The following PALM2AKAP2 variants were observed in gnomAD, a reference collection of about 807,000 sequenced individuals.
PALM2AKAP2 encodes PALM2 and AKAP2 fusion.
In PALM2AKAP2, 37 loss-of-function variants were observed where a neutral mutation model predicts 71.5. That is an observed-to-expected ratio of 0.52 (90% confidence interval 0.40 to 0.68). The LOEUF (loss-of-function observed/expected upper bound fraction) is 0.68. Among genes scored for constraint, PALM2AKAP2 ranks in the 30% least tolerant of loss-of-function variants. The probability of loss-of-function intolerance (pLI) is 0.00; values close to 1 mark genes in which losing one functional copy is unlikely to be tolerated. For missense variants in PALM2AKAP2, 1,224 were observed against 1,191.8 expected, an observed-to-expected ratio of 1.03 and a Z score of -0.40; for synonymous variants, 468 against 478.8, an observed-to-expected ratio of 0.98 and a Z score of 0.29.
At chr9:109,975,431 C>A (rs1405614856) in intron 6 of PALM2AKAP2, among the ~76,000 whole-genome samples, 1 of 152,226 alleles carries the variant, frequency 6.6e-6, no homozygotes, top group African/African-American at 2.4e-5. Context: ...ATTGCCCACC[C>A]ACACTGGTGA....
intron 1 of PALM2AKAP2, among the ~76,000 whole-genome samples, chr9:109,683,864 G>A (rs975055188): frequency 6.6e-6 from 1 of 151,726 alleles, no homozygotes; most frequent in Admixed American, 6.6e-5. Context: ...ACATGATAAT[G>A]TATAATATAC....
rs763979984 is a variant in PALM2AKAP2, at chr9:109,931,959, G to A, written c.427G>A (p.Asp143Asn). The A allele has an allele frequency of 7.4e-6, 12 of 1,613,982 alleles. No individual in the cohort carries two copies. The highest frequency in any genetic ancestry group is 1.7e-4 in the Middle Eastern group (1 of 6,060). The change falls in exon 6 of 10, where the codon GAC becomes AAC. Residue 143 changes from aspartate to asparagine, a missense_variant. Transcript: ENST00000302798. ...AAATTACATTTCCTCCCAGCTTCCC[G>A]ACCTGCCAATCCTCTGTTCACGAAC... is the stretch of plus-strand genomic sequence containing the variant.
At chr9:109,819,939 A>G (rs185968325) in intron 1 of PALM2AKAP2, among the ~76,000 whole-genome samples, 1 of 152,308 alleles carries the variant, frequency 6.6e-6, no homozygotes. Context: ...AATCATGAAA[A>G]ATTGGGAACA....
chr9:110,057,366 GTTTTT>G (rs34347147), intron 1 of PALM2AKAP2, among the ~76,000 whole-genome samples: 7 of 134,110 alleles, frequency 5.2e-5, no homozygotes, highest in Admixed American at 2.3e-4. Flanking sequence ...CTCCTTCTCT[GTTTTT>G]TTTTTTTTTG....
chr9:110,067,484 G>A (rs2118553422), intron 1 of PALM2AKAP2, among the ~76,000 whole-genome samples: 1 of 152,308 alleles, frequency 6.6e-6, no homozygotes, highest in Admixed American at 6.5e-5. Flanking sequence ...CAAGGCAATT[G>A]AATGCATTAT....
upstream of PALM2AKAP2, among the ~76,000 whole-genome samples, chr9:109,779,324 TCCTG>T (rs1164904204): frequency 1.3e-5 from 2 of 152,324 alleles, no homozygotes; most frequent in South Asian, 2.1e-4. Context: ...CCACATGGTA[TCCTG>T]TTTTAGTAAA....
chr9:110,137,943 A>C, exon 2 of PALM2AKAP2: 1 of 1,614,142 alleles, frequency 6.2e-7, no homozygotes. Flanking sequence ...TTGGAGTATC[A>C]GGCTGGCCTC....
chr9:109,875,621 A>T (rs560550394), intron 2 of PALM2AKAP2, among the ~76,000 whole-genome samples: 1 of 152,280 alleles, frequency 6.6e-6, no homozygotes, highest in Admixed American at 6.5e-5. Flanking sequence ...GTGCTACTCA[A>T]ATCGTGGTCC....
chr9:109,998,764 CAAA>C (rs766171217), intron 6 of PALM2AKAP2, among the ~76,000 whole-genome samples: 7 of 70,768 alleles, frequency 9.9e-5, no homozygotes, highest in African/African-American at 5.6e-5. Context: ...GACCCTGTCG[CAAA>C]AAAAAAAAAA....
chr9:110,100,317 C>T (rs1407991895), intron 1 of PALM2AKAP2, among the ~76,000 whole-genome samples: 1 of 151,992 alleles, frequency 6.6e-6, no homozygotes, highest in Non-Finnish European at 1.5e-5. Flanking sequence ...CCCTGCACTT[C>T]TAGAAGGAAG....
intron 1 of PALM2AKAP2, among the ~76,000 whole-genome samples, chr9:109,780,790 G>A (rs565902306): frequency 6.6e-6 from 1 of 152,284 alleles, no homozygotes; most frequent in Admixed American, 6.5e-5. Context: ...TGGGCTTTGG[G>A]GAAGGACTAA....
intron 1 of PALM2AKAP2, among the ~76,000 whole-genome samples, chr9:110,095,519 C>T (rs2118826582): frequency 6.6e-6 from 1 of 152,236 alleles, no homozygotes; most frequent in Admixed American, 6.5e-5. Context: ...ACTCAGGCTT[C>T]TGCCTGGGTT....
intron 2 of PALM2AKAP2, among the ~76,000 whole-genome samples, chr9:110,145,959 C>T (rs1179025177): frequency 1.6e-5 from 2 of 127,366 alleles, no homozygotes; most frequent in East Asian, 2.5e-4. Context: ...AGTGCAGTGG[C>T]GCTATCTCGG....
At chr9:110,063,916 C>G (rs1834019435) in intron 1 of PALM2AKAP2, among the ~76,000 whole-genome samples, 1 of 152,150 alleles carries the variant, frequency 6.6e-6, no homozygotes. Flanking sequence ...GGTAGGGGTG[C>G]ACACAGTTCA....
At chr9:109,889,173 A>G (rs540670071) in intron 3 of PALM2AKAP2, among the ~76,000 whole-genome samples, 1 of 152,376 alleles carries the variant, frequency 6.6e-6, no homozygotes, top group East Asian at 1.9e-4. Flanking sequence ...GCACTGAGCC[A>G]TGAAAGTCTG....
chr9:109,954,088 A>G (rs1303692491), intron 6 of PALM2AKAP2, among the ~76,000 whole-genome samples: 1 of 152,150 alleles, frequency 6.6e-6, no homozygotes, highest in African/African-American at 2.4e-5. Context: ...TTATCTGTTC[A>G]TCAGGAGTCC....
At chr9:110,163,007 C>A in intron 3 of PALM2AKAP2, among the ~76,000 whole-genome samples, 1 of 152,250 alleles carries the variant, frequency 6.6e-6, no homozygotes, top group South Asian at 2.1e-4. Context: ...CCACTGTTCT[C>A]GGTCCCCAAA....
At chr9:109,856,328 T>A (rs1829163078) in intron 1 of PALM2AKAP2, among the ~76,000 whole-genome samples, 2 of 152,358 alleles carry the variant, frequency 1.3e-5, no homozygotes, top group Admixed American at 6.5e-5. Context: ...CTAAAGTAAG[T>A]TAAGCTACAT....
At chr9:109,854,790 T>TTTA (rs1296261657) in intron 1 of PALM2AKAP2, among the ~76,000 whole-genome samples, 4 of 145,766 alleles carry the variant, frequency 2.7e-5, no homozygotes, top group Non-Finnish European at 4.5e-5. Flanking sequence ...TTTTTTTTTT[T>TTTA]AGATGGAGTC....
Sources: allele counts gnomAD v4.1 joint callset (sites outside exome capture counted in the v4.1 genomes callset), GRCh38; gene constraint gnomAD v4.1.1; transcripts MANE v1.5; gene names NCBI Gene and HGNC (gene_info 2026-07-23, HGNC 2026-07-21).